MAL: variants seen among roughly 807,000 people sequenced by gnomAD.
MAL encodes mal, T cell differentiation protein (MAL blood group).
Under a neutral mutation model 16.7 loss-of-function variants are expected in MAL, and 5 were observed. That is an observed-to-expected ratio of 0.30 (90% CI 0.16 to 0.63). The LOEUF (loss-of-function observed/expected upper bound fraction) is 0.63, where lower values mean the gene tolerates loss of function less well. MAL is among the 30% of genes least tolerant of loss of function. The pLI is 0.82. For synonymous variants in MAL, 96 were observed against 85.5 expected, an observed-to-expected ratio of 1.12 and a Z score of -0.67; for missense variants, 202 against 195.8, an observed-to-expected ratio of 1.03 and a Z score of -0.19.
At chr2:95,049,779 C>A in intron 3 of MAL, 73 bp downstream of exon 3, 1 of 1,588,774 alleles carries the variant, frequency 6.3e-7, no homozygotes, top group East Asian at 2.2e-5. Flanking sequence ...TGGAGGCTGC[C>A]TAGGCCCTTG....
intron 2 of MAL, among the ~76,000 whole-genome samples, chr2:95,049,144 G>A (rs532584930): frequency 6.6e-6 from 1 of 152,164 alleles, no homozygotes; most frequent in African/African-American, 2.4e-5. Context: ...TATACCAGGG[G>A]CCAAAAATAA....
At chr2:95,049,841 C>T (rs748648578) in intron 3 of MAL, 135 bp downstream of exon 3, 34 of 1,305,786 alleles carry the variant, frequency 2.6e-5, no homozygotes, top group Non-Finnish European at 3.4e-5. Context: ...TGCCTTCATG[C>T]CTGGAGCAGG....
At position 95,028,683 on chromosome 2, in the gene MAL, A is replaced by G. The variant is rs1284382921; in HGVS notation, c.93+2798A>G. On this transcript the variant is annotated intron_variant, in intron 1 of 3. Transcript: ENST00000309988. ...CCATCAGCAATGAACTGAATAACAA[A>G]GTGCGACATATCCAAACAATGGATA... 3.9e-5 allele frequency among the ~76,000 whole-genome samples: 6 copies of G among 152,356 alleles called. No individual in the cohort carries two copies. In the East Asian group the frequency reaches 1.2e-3, roughly 29 times the overall value.
At chr2:95,028,907 A>ATT (rs1245750364) in intron 1 of MAL, among the ~76,000 whole-genome samples, 2 of 152,194 alleles carry the variant, frequency 1.3e-5, no homozygotes, top group Non-Finnish European at 2.9e-5. Flanking sequence ...AAGGGGAGCA[A>ATT]TTGTTTAATC....
chr2:95,038,718 G>A (rs1674335621), intron 1 of MAL, among the ~76,000 whole-genome samples: 1 of 151,942 alleles, frequency 6.6e-6, no homozygotes, highest in East Asian at 1.9e-4. Context: ...GTGAGTGACT[G>A]ACTGAGTAAG....
At chr2:95,027,967 C>G (rs1182232453) in intron 1 of MAL, among the ~76,000 whole-genome samples, 1 of 152,028 alleles carries the variant, frequency 6.6e-6, no homozygotes, top group Non-Finnish European at 1.5e-5. Context: ...CCAATATGCA[C>G]ATAAAAAGAT....
At chr2:95,033,150 G>A (rs1674127625) in intron 1 of MAL, among the ~76,000 whole-genome samples, 1 of 152,144 alleles carries the variant, frequency 6.6e-6, no homozygotes, top group African/African-American at 2.4e-5. Context: ...TTGGAGGGAG[G>A]CCCACGGGGG....
At chr2:95,049,504 G>A (rs1674665899) in intron 2 of MAL, 77 bp from the exon 3 acceptor site, 1 of 1,568,970 alleles carries the variant, frequency 6.4e-7, no homozygotes. Flanking sequence ...AAGGGGCGGG[G>A]GTGGAGGGGA....
chr2:95,029,551 T>A (rs111935771), intron 1 of MAL, among the ~76,000 whole-genome samples: 7,232 of 152,306 alleles, frequency 0.047, 272 homozygotes, highest in Middle Eastern at 0.095. Flanking sequence ...CTAAGAACAT[T>A]CTCATATTTG....
chr2:95,052,415 G>A (rs564325544), intron 3 of MAL, among the ~76,000 whole-genome samples: 2 of 152,280 alleles, frequency 1.3e-5, no homozygotes, highest in African/African-American at 2.4e-5. Context: ...GCCCAGATAC[G>A]TTCTCTTAAA....
chr2:95,043,717 A>G (rs905540291), intron 1 of MAL, among the ~76,000 whole-genome samples: 4 of 152,122 alleles, frequency 2.6e-5, no homozygotes, highest in African/African-American at 7.2e-5. Context: ...CCTTTCCCGT[A>G]TCCTCCTCTT....
At chr2:95,033,366 C>T (rs1358570217) in intron 1 of MAL, among the ~76,000 whole-genome samples, 1 of 152,130 alleles carries the variant, frequency 6.6e-6, no homozygotes, top group African/African-American at 2.4e-5. Flanking sequence ...AAACACAAAC[C>T]TTGCTATTGT....
intron 1 of MAL, among the ~76,000 whole-genome samples, chr2:95,031,122 CAGACAGGGAGCAACTTGCCT>C (rs1376514139): frequency 2.0e-5 from 3 of 152,204 alleles, no homozygotes; most frequent in African/African-American, 7.2e-5. Flanking sequence ...AACTGAGGCT[CAGACAGGGAGCAACTTGCCT>C]GGGTCACCGG....
At chr2:95,049,273 C>A (rs1214336385) in intron 2 of MAL, among the ~76,000 whole-genome samples, 2 of 152,232 alleles carry the variant, frequency 1.3e-5, no homozygotes, top group Non-Finnish European at 2.9e-5. Flanking sequence ...CACGACACTT[C>A]TCAGATCCAG....
intron 1 of MAL, among the ~76,000 whole-genome samples, chr2:95,033,614 C>CA (rs979487972): frequency 5.3e-5 from 8 of 152,114 alleles, no homozygotes; most frequent in African/African-American, 7.2e-5. Flanking sequence ...CCCATTTCTA[C>CA]AAAAAATGTA....
intron 1 of MAL, among the ~76,000 whole-genome samples, chr2:95,039,727 C>G (rs74514093): frequency 6.1e-5 from 9 of 148,254 alleles, no homozygotes; most frequent in South Asian, 2.2e-4. Context: ...GAGTGAGTGA[C>G]TGAGTGAGTG....
intron 1 of MAL, chr2:95,026,722 G>C (rs1470313967): frequency 1.3e-5 from 2 of 152,216 alleles, no homozygotes; most frequent in Non-Finnish European, 2.9e-5. Flanking sequence ...CCCGGGGGCC[G>C]CTGGCCTTCA....
chr2:95,031,532 G>T (rs1002344883), intron 1 of MAL, among the ~76,000 whole-genome samples: 5 of 152,234 alleles, frequency 3.3e-5, no homozygotes, highest in African/African-American at 9.6e-5. Context: ...TTTTATGGGG[G>T]ATAGAATAGT....
chr2:95,040,236 C>T lies in MAL; in HGVS notation c.94-7723C>T, dbSNP rs550575437. ...ACACATACATATACACATGCATATGCGGCACCATACACATACATACACATG... is the reference window on the plus strand; with the variant it reads ...ACACATACATATACACATGCATATGTGGCACCATACACATACATACACATG... On this transcript the variant is annotated intron_variant, in intron 1 of 3. Coordinates refer to ENST00000309988, the MANE Select transcript of MAL (RefSeq NM_002371.4). 1.8e-3 allele frequency among the ~76,000 whole-genome samples: 280 copies of T among 152,056 alleles called. 1 individual carries two copies. The highest frequency in any genetic ancestry group is 6.0e-3 in the African/African-American group (249 of 41,452).
Sources: gnomAD v4.1 joint callset for allele counts (sites outside exome capture counted in the v4.1 genomes callset) on GRCh38, gnomAD v4.1.1 for gene constraint, MANE v1.5 for transcripts, NCBI Gene and HGNC (gene_info 2026-07-23, HGNC 2026-07-21) for gene names.